Variants in SNAPC3 observed in about 807,000 individuals in gnomAD.
SNAPC3 encodes snRNA-activating protein complex subunit 3.
In SNAPC3, 56 loss-of-function variants were observed where a neutral mutation model predicts 47.7. That is an observed-to-expected ratio of 1.18 (90% confidence interval 0.95 to 1.47). The LOEUF (loss-of-function observed/expected upper bound fraction) is 1.47. SNAPC3 is among the 40% of genes most tolerant of loss of function. The pLI, the probability that SNAPC3 is intolerant of heterozygous loss-of-function variation, is 0.00. For synonymous variants in SNAPC3, 235 were observed against 189.9 expected (o/e 1.24, Z -1.95); for missense variants, 665 against 511.3 (o/e 1.30, Z -2.90).
chr9:15,459,778 G>C lies in SNAPC3; in HGVS notation c.1148G>C (p.Cys383Ser). 1.9e-6 allele frequency: 3 copies of C among 1,613,576 alleles called. No homozygotes were observed. Among genetic ancestry groups the C allele is most frequent in the Non-Finnish European group, 2.5e-6 (3 of 1,179,708 alleles). ...PEDPCFFCDV[C>S]FRMLHYDSEG... ...GACCCATGCTTCTTTTGTGATGTTT[G>C]CTTCCGAATGCTGCACTATGATTCA... Residue 383 changes from cysteine (C) to serine (S), a missense_variant, in exon 9 of 9, where the codon TGC becomes TCC. Coordinates refer to ENST00000380821, the MANE Select transcript of SNAPC3 (RefSeq NM_001039697.2).
At chr9:15,454,764 T>C (rs918663931) in intron 7 of SNAPC3, among the ~76,000 whole-genome samples, 13 of 151,902 alleles carry the variant, frequency 8.6e-5, no homozygotes, top group Non-Finnish European at 1.6e-4. Context: ...AGTGAAAGCG[T>C]CTCTACTAAA....
intron 3 of SNAPC3, among the ~76,000 whole-genome samples, chr9:15,443,033 T>C (rs1264306614): frequency 6.6e-6 from 1 of 152,038 alleles, no homozygotes; most frequent in Admixed American, 6.5e-5. Flanking sequence ...CAGTCAGGCG[T>C]GGCGGCGCGC....
intron 6 of SNAPC3, 106 bp from the exon 7 acceptor site, chr9:15,452,935 A>T: frequency 1.1e-6 from 1 of 869,948 alleles, no homozygotes; most frequent in Non-Finnish European, 1.8e-6. Context: ...CTGTCCAGTT[A>T]GTTGGGTGAG....
intron 7 of SNAPC3, among the ~76,000 whole-genome samples, chr9:15,456,704 G>A (rs1221668253): frequency 6.6e-6 from 1 of 152,120 alleles, no homozygotes; most frequent in African/African-American, 2.4e-5. Context: ...CTGAGCTCAA[G>A]CGATCCTCCT....
intron 2 of SNAPC3, chr9:15,431,916 C>A (rs1334507313): frequency 1.0e-4 from 10 of 95,802 alleles, no homozygotes; most frequent in East Asian, 3.5e-4. Flanking sequence ...TTGAGCACTT[C>A]ATGAATTTGC....
At position 15,428,508 on chromosome 9, in the gene SNAPC3, C is replaced by G. The variant is rs377121847; in HGVS notation, c.392+4522C>G. ...TGGGCGACACAGCGAGACTCTGTCT[C>G]AAAAAAAAAAAAAAAGAGAAAGCCT... On this transcript the variant is annotated intron_variant, in intron 2 of 8. Coordinates refer to ENST00000380821, the MANE Select transcript of SNAPC3 (RefSeq NM_001039697.2). Among the ~76,000 whole-genome samples the G allele has an allele frequency of 3.1e-5, 4 of 129,264 alleles. 1 individual carries two copies. The highest frequency in any genetic ancestry group is 1.2e-4 in the African/African-American group (4 of 32,168). 84.8% of individuals were successfully genotyped at this position (129,264 alleles called of 152,430 possible).
At chr9:15,450,325 G>A (rs1200071877) in intron 5 of SNAPC3, among the ~76,000 whole-genome samples, 6 of 151,320 alleles carry the variant, frequency 4.0e-5, no homozygotes, top group African/African-American at 1.5e-4. Flanking sequence ...CTGTAAGTGG[G>A]GGAATGAAGA....
At chr9:15,441,160 G>A (rs957480615) in intron 3 of SNAPC3, among the ~76,000 whole-genome samples, 10 of 149,780 alleles carry the variant, frequency 6.7e-5, no homozygotes, top group Non-Finnish European at 1.3e-4. Context: ...TACTCATTGA[G>A]CACATTTAAG....
At chr9:15,457,351 T>C (rs899270013) in intron 7 of SNAPC3, among the ~76,000 whole-genome samples, 1 of 152,110 alleles carries the variant, frequency 6.6e-6, no homozygotes, top group Non-Finnish European at 1.5e-5. Flanking sequence ...TCCCAGCACC[T>C]TGGGAGGCTG....
At position 15,442,280 on chromosome 9, in the gene SNAPC3, TGGCCGGGC is replaced by T. The variant is rs1289914784; in HGVS notation, c.478-2319_478-2312del. ...CAACCTCCCTCCTGGATGGGGCGGC[TGGCCGGGC>T]GGGGGCTGCCCCCCACCTCCCTCCC... On this transcript the variant is annotated intron_variant, in intron 3 of 8. Transcript: ENST00000380821. Among the ~76,000 whole-genome samples, 6 of 143,546 alleles carry T rather than the reference TGGCCGGGC, an allele frequency of 4.2e-5. 1 individual carries two copies. Among genetic ancestry groups the T allele is most frequent in the Non-Finnish European group, 9.1e-5 (6 of 65,830 alleles). The allele number at this position is 143,546 out of a possible 152,430, so 94.2% of individuals were successfully genotyped here.
At chr9:15,454,247 A>G (rs377299830) in intron 7 of SNAPC3, among the ~76,000 whole-genome samples, 1 of 151,918 alleles carries the variant, frequency 6.6e-6, no homozygotes, top group African/African-American at 2.4e-5. Flanking sequence ...AAAAAAAGAA[A>G]AAAAGAAAGA....
intron 3 of SNAPC3, among the ~76,000 whole-genome samples, chr9:15,442,678 C>A (rs1183323850): frequency 6.6e-6 from 1 of 152,100 alleles, no homozygotes; most frequent in African/African-American, 2.4e-5. Flanking sequence ...ACGCTCCGCA[C>A]TTCCCAGACT....
At chr9:15,431,807 G>A (rs1475020444) in intron 2 of SNAPC3, 1 of 150,312 alleles carries the variant, frequency 6.7e-6, no homozygotes, top group Non-Finnish European at 1.5e-5. Flanking sequence ...AATAAGGCTA[G>A]TTGTATTACG....
intron 2 of SNAPC3, chr9:15,431,835 C>T (rs957072344): frequency 7.4e-5 from 11 of 149,440 alleles, no homozygotes; most frequent in African/African-American, 2.7e-4. Context: ...AATATAACAC[C>T]ACTGAAAAGG....
rs1315001161 is a variant in SNAPC3 at position 15,428,715 on chromosome 9, A to T, written c.392+4729A>T. ...AATGGAAGAAAAAGACAATTACCTC[A>T]TAAGTGAATAAATTGTAAGATACCT... On this transcript the variant is annotated intron_variant, in intron 2 of 8. Transcript: ENST00000380821. Among the ~76,000 whole-genome samples the T allele has an allele frequency of 2.0e-5, 3 of 152,166 alleles. No homozygotes were observed. In the East Asian group the frequency reaches 5.8e-4, roughly 29 times the overall value.
At chr9:15,426,362 G>A (rs925171792) in intron 2 of SNAPC3, among the ~76,000 whole-genome samples, 4 of 152,098 alleles carry the variant, frequency 2.6e-5, no homozygotes, top group Non-Finnish European at 4.4e-5. Flanking sequence ...GTATGCTCAT[G>A]TAGCACCCTA....
At chr9:15,430,622 T>C (rs2032016022) in intron 2 of SNAPC3, among the ~76,000 whole-genome samples, 1 of 152,166 alleles carries the variant, frequency 6.6e-6, no homozygotes, top group Non-Finnish European at 1.5e-5. Context: ...TGAAAATACA[T>C]GTGTTCAATA....
At chr9:15,463,305 A>T (rs895030527), downstream of SNAPC3, 4 of 137,074 alleles carry the variant, frequency 2.9e-5, no homozygotes, top group African/African-American at 1.1e-4. Flanking sequence ...GCTCACTGCA[A>T]CCTCTGCCTC....
At chr9:15,431,393 C>T (rs561646501) in intron 2 of SNAPC3, among the ~76,000 whole-genome samples, 1 of 152,298 alleles carries the variant, frequency 6.6e-6, no homozygotes, top group East Asian at 1.9e-4. Context: ...CTTCAGTGTT[C>T]CCTTTTACTG....
Sources: allele counts gnomAD v4.1 joint callset (sites outside exome capture counted in the v4.1 genomes callset), GRCh38; gene constraint gnomAD v4.1.1; transcripts MANE v1.5; gene names NCBI Gene and HGNC (gene_info 2026-07-23, HGNC 2026-07-21).